Variants in ZFP64 observed in about 807,000 individuals in gnomAD.
ZFP64 encodes ZFP64 zinc finger protein, also known as zinc finger protein 64.
In ZFP64, 14 loss-of-function variants were observed where a neutral mutation model predicts 51.6. The ratio of observed to expected loss-of-function variants is 0.27; its 90% CI spans 0.18 to 0.42. ZFP64 has a LOEUF of 0.42. Ranked by LOEUF, ZFP64 falls within the 10% of genes least tolerant of loss-of-function variation. The pLI, the probability that ZFP64 is intolerant of heterozygous loss-of-function variation, is 1.00. For synonymous variants in ZFP64, 375 were observed against 361.4 expected, an observed-to-expected ratio of 1.04 and a Z score of -0.43; for missense variants, 754 against 906.8, an observed-to-expected ratio of 0.83 and a Z score of 2.16.
At chr20:52,110,609 C>T in intron 5 of ZFP64, 1 of 848,656 alleles carries the variant, frequency 1.2e-6, no homozygotes, top group East Asian at 2.5e-5. Flanking sequence ...GCCTCCACGC[C>T]AGAGGCCCTG....
chr20:52,104,946 C>T, intron 5 of ZFP64: 1 of 707,656 alleles, frequency 1.4e-6, no homozygotes, highest in South Asian at 1.8e-5. Context: ...GGACGGTGGA[C>T]TCCAGGAGAG....
chr20:52,130,801 T>G (rs190822456), intron 5 of ZFP64, among the ~76,000 whole-genome samples: 52 of 152,150 alleles, frequency 3.4e-4, no homozygotes, highest in Non-Finnish European at 5.1e-4. Context: ...CTCGGCCCAG[T>G]GTGGTGGCTC....
downstream of ZFP64, among the ~76,000 whole-genome samples, chr20:52,151,106 T>C (rs1980768768): frequency 6.6e-6 from 1 of 152,216 alleles, no homozygotes; most frequent in Admixed American, 6.5e-5. Context: ...TGGATCACTT[T>C]ATCACTTTAG....
Position 52,151,509 on chromosome 20 carries a change from G to C in ZFP64, c.*637C>G, listed in dbSNP as rs1198231974. 1.0e-6 allele frequency: 1 copy of C among 985,446 alleles called. No individual in the cohort carries two copies. The highest frequency in any genetic ancestry group is 1.7e-5 in the African/African-American group (1 of 57,212). 61.0% of individuals were successfully genotyped at this position (985,446 alleles called of 1,614,324 possible). The stretch of plus-strand genomic sequence containing the variant: ...TTTACTACACAAATGTAATAAGATG[G>C]ACAGAAACCTTTATTAGAGTTGGAA... On this transcript the variant is annotated 3_prime_UTR_variant, in exon 6 of 6. Coordinates refer to ENST00000216923, the MANE Select transcript of ZFP64 (RefSeq NM_018197.3).
intron 7 of ZFP64, among the ~76,000 whole-genome samples, chr20:52,092,560 C>T (rs1017885020): frequency 7.9e-5 from 12 of 152,106 alleles, no homozygotes; most frequent in African/African-American, 2.7e-4. Flanking sequence ...ATTAAAAGAT[C>T]GAAAACAGGC....
At chr20:52,123,116 G>A (rs193057480) in intron 5 of ZFP64, among the ~76,000 whole-genome samples, 165 of 152,008 alleles carry the variant, frequency 1.1e-3, no homozygotes, top group African/African-American at 3.6e-3. Flanking sequence ...TCAGCCTCCC[G>A]AGTAGCTAGG....
At chr20:52,185,384 T>C (rs1400524177) in intron 2 of ZFP64, among the ~76,000 whole-genome samples, 3 of 152,196 alleles carry the variant, frequency 2.0e-5, no homozygotes, top group African/African-American at 7.2e-5. Context: ...AATGTCTTTA[T>C]GTATATTTTA....
intron 2 of ZFP64, among the ~76,000 whole-genome samples, chr20:52,175,128 T>G (rs1983079967): frequency 6.6e-6 from 1 of 152,210 alleles, no homozygotes; most frequent in African/African-American, 2.4e-5. Flanking sequence ...TTGTTTTGTT[T>G]TGTTTTGTTT....
chr20:52,127,601 C>G (rs1005897085), intron 5 of ZFP64, among the ~76,000 whole-genome samples: 2 of 152,188 alleles, frequency 1.3e-5, no homozygotes, highest in African/African-American at 4.8e-5. Flanking sequence ...GCCTCCCCAG[C>G]CATGCTGAAC....
chr20:52,123,620 A>G (rs1404647173), intron 5 of ZFP64, among the ~76,000 whole-genome samples: 1 of 152,234 alleles, frequency 6.6e-6, no homozygotes, highest in Non-Finnish European at 1.5e-5. Context: ...TTTTTAAGAC[A>G]TAATGCTATT....
chr20:52,128,090 A>G (rs1600732093), intron 5 of ZFP64, among the ~76,000 whole-genome samples: 1 of 152,168 alleles, frequency 6.6e-6, no homozygotes, highest in East Asian at 1.9e-4. Flanking sequence ...ATCTGTTCTA[A>G]GGCAGATCAC....
chr20:52,127,951 GTTTA>G (rs1414583874), intron 5 of ZFP64, among the ~76,000 whole-genome samples: 2 of 152,162 alleles, frequency 1.3e-5, no homozygotes, highest in Admixed American at 6.5e-5. Flanking sequence ...CCACACAAAT[GTTTA>G]TTTATTTTTT....
chr20:52,165,615 C>A (rs772616791), intron 3 of ZFP64: 1 of 665,806 alleles, frequency 1.5e-6, no homozygotes, highest in South Asian at 1.5e-5. Context: ...TTTATAGCAA[C>A]CTGAAATTTT....
chr20:52,154,111 C>T (rs1027237761), intron 5 of ZFP64, among the ~76,000 whole-genome samples: 13 of 152,142 alleles, frequency 8.5e-5, no homozygotes, highest in African/African-American at 2.7e-4. Flanking sequence ...ATACCATATT[C>T]CAAATTTACT....
intron 5 of ZFP64, among the ~76,000 whole-genome samples, chr20:52,121,587 C>T (rs1358608271): frequency 6.6e-6 from 1 of 152,146 alleles, no homozygotes; most frequent in Admixed American, 6.5e-5. Flanking sequence ...AAGAGGTTGG[C>T]TCTTGAGGTT....
intron 5 of ZFP64, among the ~76,000 whole-genome samples, chr20:52,123,497 G>A (rs1254397340): frequency 6.6e-6 from 1 of 152,100 alleles, no homozygotes; most frequent in South Asian, 2.1e-4. Flanking sequence ...AGCAGCCATC[G>A]ACCTCCAGGC....
rs1347631674 is a variant in ZFP64 at position 52,085,767 on chromosome 20, A to G, written c.1229-501T>C. On this transcript the variant is annotated intron_variant, in intron 8 of 8. Coordinates refer to the ZFP64 transcript ENST00000361387. This position sits in a 1 kb window ranked among gnomAD's most constrained non-coding sequence, Gnocchi z 4.3. ...TTTCAAGTTAAAGTTTCTTACTTTT[A>G]TAACTACAGGCTAAATTTTATTTAT... Among the ~76,000 whole-genome samples, 1 of 152,248 alleles carries G rather than the reference A, an allele frequency of 6.6e-6. No homozygotes were observed. Among genetic ancestry groups the G allele is most frequent in the Admixed American group, 6.5e-5 (1 of 15,282 alleles).
chr20:52,105,159 C>T (rs1247847326), intron 5 of ZFP64: 2 of 1,453,054 alleles, frequency 1.4e-6, no homozygotes, highest in South Asian at 1.5e-5. Context: ...TGCGGGGCCA[C>T]CTCCGCACAC....
In ZFP64 at chr20:52,094,394, G is replaced by A. The variant is rs551701087; in HGVS notation, c.976+2979C>T. 1.8e-4 allele frequency among the ~76,000 whole-genome samples: 27 copies of A among 152,266 alleles called. No homozygotes were observed. In the South Asian group the frequency reaches 4.8e-3, roughly 27 times the overall value. ...AATGCCAAATGAAGAAATACAAAGT[G>A]GGATAAAAATACAAACATAAATCAG... On this transcript the variant is annotated intron_variant, in intron 7 of 8. Transcript: ENST00000361387.
Sources: gnomAD v4.1 joint callset for allele counts (sites outside exome capture counted in the v4.1 genomes callset) on GRCh38, gnomAD v4.1.1 for gene constraint, Gnocchi (gnomAD v3.1) non-coding constraint, MANE v1.5 for transcripts, NCBI Gene and HGNC (gene_info 2026-07-23, HGNC 2026-07-21) for gene names.